The following AP3S2 variants were observed in gnomAD, a reference collection of about 807,000 sequenced individuals.
AP3S2 encodes AP-3 complex subunit sigma-2.
AP3S2 carries 22 observed loss-of-function variants against 23.4 expected under a neutral mutation model. The ratio of observed to expected loss-of-function variants is 0.94; its 90% CI spans 0.67 to 1.34. The LOEUF is 1.34. Among genes scored for constraint, AP3S2 ranks in the 40% most tolerant of loss-of-function variants. The pLI is 0.00. For missense variants in AP3S2, 241 were observed against 236.9 expected, an observed-to-expected ratio of 1.02 and a Z score of -0.11; for synonymous variants, 86 against 87.1, an observed-to-expected ratio of 0.99 and a Z score of 0.07.
At chr15:89,891,396 C>T (rs7173664) in intron 1 of AP3S2, among the ~76,000 whole-genome samples, 71,510 of 151,974 alleles carry the variant, frequency 0.47, 17,058 homozygotes, top group East Asian at 0.6. Flanking sequence ...CGGTGGCTCA[C>T]GCCTGTAATC....
At chr15:89,836,806 T>A (rs28581713) in intron 5 of AP3S2, among the ~76,000 whole-genome samples, 2,986 of 152,290 alleles carry the variant, frequency 0.02, 78 homozygotes, top group African/African-American at 0.053. Flanking sequence ...GAACTATAGC[T>A]GCCACCAATA....
At chr15:89,868,214 G>C (rs1194441920) in intron 4 of AP3S2, among the ~76,000 whole-genome samples, 2 of 56,488 alleles carry the variant, frequency 3.5e-5, no homozygotes, top group African/African-American at 1.2e-4. Context: ...GGAGGGAGGT[G>C]GGGGGGTCAG....
At chr15:89,857,550 T>C (rs1567178282) in intron 4 of AP3S2, among the ~76,000 whole-genome samples, 1 of 152,196 alleles carries the variant, frequency 6.6e-6, no homozygotes, top group Non-Finnish European at 1.5e-5. Context: ...TTTTAAGTCA[T>C]CTTAAATTCA....
At chr15:89,857,418 A>T (rs57163265) in intron 4 of AP3S2, among the ~76,000 whole-genome samples, 71,633 of 151,638 alleles carry the variant, frequency 0.47, 17,227 homozygotes, top group East Asian at 0.63. Flanking sequence ...ACACTCTCAG[A>T]CATCAGTACT....
At chr15:89,861,308 T>TA (rs200678855) in intron 4 of AP3S2, among the ~76,000 whole-genome samples, 296 of 151,686 alleles carry the variant, frequency 2.0e-3, no homozygotes, top group African/African-American at 6.9e-3. Flanking sequence ...GAAATCTATT[T>TA]AAAAAAAAAT....
rs369239988 is a variant in AP3S2 at position 89,888,562 on chromosome 15, C to T, written c.232G>A (p.Asp78Asn). 1.0e-4 allele frequency: 161 copies of T among 1,614,072 alleles called. No homozygotes were observed. Among genetic ancestry groups the T allele is most frequent in the Non-Finnish European group, 1.2e-4 (146 of 1,180,044 alleles). ...YATLYFVFCV[D>N]SSESELGILD... ...ATTCCAAGTTCACTCTCTGAGGAAT[C>T]CACACAAAATACAAAGTAGAGGGTA... is the stretch of plus-strand genomic sequence containing the variant. Residue 78 changes from aspartate (D) to asparagine (N), a missense_variant, in exon 3 of 6, where the codon GAT (aspartate) becomes AAT (asparagine). By Grantham distance (23) the Asp-to-Asn change is conservative. Coordinates refer to ENST00000336418, the MANE Select transcript of AP3S2 (RefSeq NM_005829.5).
At chr15:89,837,291 G>A (rs1895216887) in intron 5 of AP3S2, among the ~76,000 whole-genome samples, 1 of 152,154 alleles carries the variant, frequency 6.6e-6, no homozygotes, top group Non-Finnish European at 1.5e-5. Flanking sequence ...TCCCTCCAGG[G>A]AACGAGTGGC....
At chr15:89,864,491 G>A (rs1257948531) in intron 4 of AP3S2, among the ~76,000 whole-genome samples, 1 of 152,122 alleles carries the variant, frequency 6.6e-6, no homozygotes, top group African/African-American at 2.4e-5. Context: ...CAGGATGAAA[G>A]CTTCCCTTTG....
chr15:89,844,865 T>C (rs2141842921), intron 4 of AP3S2, among the ~76,000 whole-genome samples: 1 of 152,302 alleles, frequency 6.6e-6, no homozygotes, highest in South Asian at 2.1e-4. Flanking sequence ...TTTAAAGTAC[T>C]TGTCCTTCCA....
intron 4 of AP3S2, among the ~76,000 whole-genome samples, chr15:89,849,492 G>A (rs1895582858): frequency 1.3e-5 from 2 of 151,782 alleles, no homozygotes; most frequent in South Asian, 2.1e-4. Flanking sequence ...TCAGATTCCT[G>A]GGTAGCTGGA....
intron 4 of AP3S2, among the ~76,000 whole-genome samples, chr15:89,844,968 C>G (rs914929671): frequency 6.6e-6 from 1 of 151,866 alleles, no homozygotes; most frequent in African/African-American, 2.4e-5. Flanking sequence ...TGCAGTGGCA[C>G]GATCTCGGCT....
intron 4 of AP3S2, among the ~76,000 whole-genome samples, chr15:89,856,701 CAAA>C (rs34735772): frequency 2.0e-4 from 15 of 75,066 alleles, no homozygotes; most frequent in Admixed American, 6.6e-4. Flanking sequence ...GACTCCATCT[CAAA>C]AAAAAAAAAA....
At chr15:89,893,798 GC>G in intron 1 of AP3S2, 82 bp downstream of exon 1, 14 of 1,382,748 alleles carry the variant, frequency 1.0e-5, no homozygotes, top group Admixed American at 4.0e-5. Flanking sequence ...AAAGAGCGGT[GC>G]CCCCGGGCGC....
intron 4 of AP3S2, among the ~76,000 whole-genome samples, chr15:89,843,083 C>T (rs1895371009): frequency 7.0e-6 from 1 of 142,362 alleles, no homozygotes; most frequent in Non-Finnish European, 1.5e-5. Context: ...CTCCCCGGTT[C>T]AAGCGATTCT....
intron 4 of AP3S2, among the ~76,000 whole-genome samples, chr15:89,869,184 A>C (rs1345184415): frequency 1.3e-5 from 2 of 151,162 alleles, no homozygotes; most frequent in Non-Finnish European, 3.0e-5. Flanking sequence ...GTCTGTGTAG[A>C]AAGAAGTAGA....
chr15:89,858,875 G>A (rs1164149608), intron 4 of AP3S2, among the ~76,000 whole-genome samples: 1 of 152,176 alleles, frequency 6.6e-6, no homozygotes, highest in Non-Finnish European at 1.5e-5. Flanking sequence ...AATAAGGAAT[G>A]ACTAACACAC....
intron 3 of AP3S2, among the ~76,000 whole-genome samples, chr15:89,875,743 G>C (rs1459036240): frequency 6.6e-6 from 1 of 152,190 alleles, no homozygotes; most frequent in Non-Finnish European, 1.5e-5. Flanking sequence ...GGGCTCACAA[G>C]TTTGAGACCA....
At position 89,859,362 on chromosome 15, in the gene AP3S2, TTTCC is replaced by T. The variant is rs1322730022; in HGVS notation, c.345+12109_345+12112del. Among the ~76,000 whole-genome samples, 235 of 134,260 alleles carry T rather than the reference TTTCC, an allele frequency of 1.8e-3. 1 individual carries two copies. The highest frequency in any genetic ancestry group is 5.4e-3 in the African/African-American group (176 of 32,468). The allele number at this position is 134,260 out of a possible 152,430, so 88.1% of individuals were successfully genotyped here. On this transcript the variant is annotated intron_variant, in intron 4 of 5. Coordinates refer to ENST00000336418, the MANE Select transcript of AP3S2 (RefSeq NM_005829.5). ...TTTCCTTCCTTCCTTCTTTCCTTCC[TTTCC>T]TTCCTTCCTTCCTTCCTTCCTTTTC... is the stretch of plus-strand genomic sequence containing the variant.
chr15:89,871,092 T>G (rs1036485751), intron 4 of AP3S2, among the ~76,000 whole-genome samples: 2 of 152,210 alleles, frequency 1.3e-5, no homozygotes, highest in African/African-American at 4.8e-5. Flanking sequence ...TCAAAGCCCC[T>G]GCGTCATGAT....
Sources: allele counts gnomAD v4.1 joint callset (sites outside exome capture counted in the v4.1 genomes callset), GRCh38; gene constraint gnomAD v4.1.1; transcripts MANE v1.5; gene names NCBI Gene and HGNC (gene_info 2026-07-23, HGNC 2026-07-21).